GLRX3: variants seen among roughly 807,000 people sequenced by gnomAD.
GLRX3 encodes glutaredoxin 3, also known as glutaredoxin-3.
In GLRX3, 22 loss-of-function variants were observed where a neutral mutation model predicts 49.5. The observed-to-expected ratio is 0.44, with a 90% CI of 0.32 to 0.63. The LOEUF (loss-of-function observed/expected upper bound fraction) is 0.63. Ranked by LOEUF, GLRX3 falls within the 30% of genes least tolerant of loss-of-function variation. GLRX3 has a pLI of 0.05. For missense variants in GLRX3, 385 were observed against 396.3 expected (o/e 0.97, Z 0.24); for synonymous variants, 133 against 140.0 (o/e 0.95, Z 0.35).
At chr10:130,165,339 G>C (rs1862659658) in intron 4 of GLRX3, among the ~76,000 whole-genome samples, 1 of 151,994 alleles carries the variant, frequency 6.6e-6, no homozygotes, top group Admixed American at 6.6e-5. Context: ...TTCAGACTAG[G>C]CTAATAGGTT....
chr10:130,156,772 C>T (rs1005504436), intron 2 of GLRX3, among the ~76,000 whole-genome samples: 1 of 152,168 alleles, frequency 6.6e-6, no homozygotes, highest in Admixed American at 6.5e-5. Flanking sequence ...TCTCCATAGA[C>T]ACATAGCAGG....
chr10:130,150,972 G>T (rs1862365873), intron 2 of GLRX3, among the ~76,000 whole-genome samples: 1 of 149,694 alleles, frequency 6.7e-6, no homozygotes, highest in African/African-American at 2.5e-5. Flanking sequence ...GTGTCGCCCA[G>T]GCTGGAGTGC....
rs371176019 is a variant in GLRX3, at chr10:130,150,064, C to G, written c.201+4745C>G. Among the ~76,000 whole-genome samples, 118 of 151,316 alleles carry G rather than the reference C, an allele frequency of 7.8e-4. 1 individual carries two copies. In the South Asian group the frequency reaches 0.024, roughly 31 times the overall value. On this transcript the variant is annotated intron_variant, in intron 2 of 10. Coordinates refer to ENST00000331244, the MANE Select transcript of GLRX3 (RefSeq NM_006541.5). ...CCATCCTGGCTAACACGGTGAAACC[C>G]CATCTCTACTAAAAATACAAAAAAA... is the stretch of plus-strand genomic sequence containing the variant.
Position 130,155,833 on chromosome 10 carries a change from C to T in GLRX3, c.202-4162C>T, listed in dbSNP as rs139985363. ...ACCAAGGCTGGCACATGCCGGTGTT[C>T]AGGGGCTGCCAGAGATGACAGAAAC... On this transcript the variant is annotated intron_variant, in intron 2 of 10. Transcript: ENST00000331244. Among the ~76,000 whole-genome samples, 813 of 152,262 alleles carry T rather than the reference C, an allele frequency of 5.3e-3. 2 individuals carry two copies. Among genetic ancestry groups the T allele is most frequent in the African/African-American group, 0.018 (764 of 41,550 alleles).
chr10:130,161,210 G>C (rs1042132895), intron 4 of GLRX3, among the ~76,000 whole-genome samples: 7 of 151,986 alleles, frequency 4.6e-5, no homozygotes, highest in African/African-American at 1.7e-4. Flanking sequence ...AACCAAAAGG[G>C]GTCTCAGAAC....
At chr10:130,180,305 A>ATTTACAG (rs1862999980), downstream of GLRX3, 1 of 152,136 alleles carries the variant, frequency 6.6e-6, no homozygotes, top group African/African-American at 2.4e-5. Flanking sequence ...AGCCTCCCAA[A>ATTTACAG]GTGCTGGAAT....
At chr10:130,149,996 T>G (rs1292026226) in intron 2 of GLRX3, among the ~76,000 whole-genome samples, 1 of 148,822 alleles carries the variant, frequency 6.7e-6, no homozygotes, top group African/African-American at 2.5e-5. Context: ...CCCAGCACTT[T>G]GGGAGGCCGA....
chr10:130,154,583 C>G (rs940356809), intron 2 of GLRX3, among the ~76,000 whole-genome samples: 1 of 150,350 alleles, frequency 6.7e-6, no homozygotes, highest in African/African-American at 2.5e-5. Context: ...TTTTTAATAT[C>G]ACACATCACA....
intron 3 of GLRX3, among the ~76,000 whole-genome samples, 178 bp downstream of exon 3, chr10:130,160,247 G>A (rs1564994283): frequency 6.6e-6 from 1 of 152,236 alleles, no homozygotes; most frequent in African/African-American, 2.4e-5. Context: ...GACCATGCCA[G>A]CTGCTTGCCA....
At chr10:130,153,396 T>C (rs969759837) in intron 2 of GLRX3, among the ~76,000 whole-genome samples, 2 of 152,248 alleles carry the variant, frequency 1.3e-5, no homozygotes, top group Admixed American at 6.5e-5. Flanking sequence ...TTTTGGAATT[T>C]TCAGCCTTTC....
intron 1 of GLRX3, among the ~76,000 whole-genome samples, chr10:130,142,966 A>C (rs1862202897): frequency 6.6e-6 from 1 of 152,142 alleles, no homozygotes; most frequent in South Asian, 2.1e-4. Flanking sequence ...TGGTGCTGGC[A>C]CTGTTCCTTT....
chr10:130,172,474 T>A (rs777227842), intron 8 of GLRX3, among the ~76,000 whole-genome samples: 8 of 152,230 alleles, frequency 5.3e-5, no homozygotes, highest in Non-Finnish European at 1.2e-4. Flanking sequence ...GCACATGTTC[T>A]ATAGGGTTTG....
intron 2 of GLRX3, chr10:130,159,770 C>T: frequency 7.9e-7 from 1 of 1,271,226 alleles, no homozygotes; most frequent in Non-Finnish European, 1.0e-6. Context: ...TTGAAATGTG[C>T]AACAAAATAA....
intron 1 of GLRX3, 62 bp from the exon 2 acceptor site, chr10:130,145,149 C>T: frequency 4.7e-6 from 3 of 632,424 alleles, no homozygotes; most frequent in South Asian, 2.3e-5. Context: ...TAATTTATAT[C>T]AGTATTTGTG....
intron 10 of GLRX3, among the ~76,000 whole-genome samples, chr10:130,177,628 A>C (rs999897449): frequency 6.6e-6 from 1 of 152,160 alleles, no homozygotes; most frequent in Non-Finnish European, 1.5e-5. Flanking sequence ...CCTGAGGGCC[A>C]CCTGCCCTTG....
chr10:130,162,102 C>T (rs1337430242), intron 4 of GLRX3, among the ~76,000 whole-genome samples: 2 of 152,154 alleles, frequency 1.3e-5, no homozygotes, highest in Non-Finnish European at 2.9e-5. Flanking sequence ...CTCAGCCTCC[C>T]GAGTAGCTGG....
intron 7 of GLRX3, among the ~76,000 whole-genome samples, chr10:130,170,102 C>A (rs540571767): frequency 6.6e-6 from 1 of 152,306 alleles, no homozygotes; most frequent in South Asian, 2.1e-4. Flanking sequence ...AGATTGAGAT[C>A]AGAGTGGTAA....
At chr10:130,166,836 C>A in intron 5 of GLRX3, 83 bp from the exon 6 acceptor site, 1 of 999,890 alleles carries the variant, frequency 1.0e-6, no homozygotes, top group South Asian at 1.4e-5. Flanking sequence ...GTTGATTGAT[C>A]AATAATCTGT....
intron 2 of GLRX3, among the ~76,000 whole-genome samples, chr10:130,158,410 T>A (rs1862517377): frequency 6.6e-6 from 1 of 152,216 alleles, no homozygotes; most frequent in Non-Finnish European, 1.5e-5. Flanking sequence ...GATAGGAATT[T>A]GTTTTTATGA....
Sources: allele counts gnomAD v4.1 joint callset (sites outside exome capture counted in the v4.1 genomes callset), GRCh38; gene constraint gnomAD v4.1.1; transcripts MANE v1.5; gene names NCBI Gene and HGNC (gene_info 2026-07-23, HGNC 2026-07-21).